ELMO1: variants seen among roughly 807,000 people sequenced by gnomAD.
ELMO1 encodes the protein engulfment and cell motility 1, also known as engulfment and cell motility protein 1.
ELMO1 carries 26 observed loss-of-function variants against 98.9 expected under a neutral mutation model. The ratio of observed to expected loss-of-function variants is 0.26; its 90% CI spans 0.19 to 0.36. ELMO1 has a LOEUF of 0.36. Among genes scored for constraint, ELMO1 ranks in the 10% least tolerant of loss-of-function variants. The pLI is 1.00. For missense variants in ELMO1, 627 were observed against 935.2 expected, an observed-to-expected ratio of 0.67 and a Z score of 4.30; for synonymous variants, 346 against 346.0, an observed-to-expected ratio of 1.00 and a Z score of 0.00.
intron 2 of ELMO1, among the ~76,000 whole-genome samples, chr7:37,322,861 T>C (rs566780599): frequency 6.6e-6 from 1 of 152,250 alleles, no homozygotes; most frequent in African/African-American, 2.4e-5. Flanking sequence ...TTTTAACTGC[T>C]TCAGTATGTT....
intron 16 of ELMO1, among the ~76,000 whole-genome samples, chr7:36,989,931 T>C (rs1454613909): frequency 6.6e-6 from 1 of 152,154 alleles, no homozygotes; most frequent in African/African-American, 2.4e-5. Flanking sequence ...TAAGACAAAA[T>C]TGCAAGGTAA....
chr7:37,154,516 C>T (rs991793112), intron 13 of ELMO1, among the ~76,000 whole-genome samples: 7 of 152,150 alleles, frequency 4.6e-5, no homozygotes, highest in African/African-American at 7.2e-5. Flanking sequence ...CTGCGTGAAG[C>T]ATACACAAGC....
intron 1 of ELMO1, among the ~76,000 whole-genome samples, chr7:37,368,526 C>T (rs1482771794): frequency 1.3e-5 from 2 of 152,152 alleles, no homozygotes; most frequent in Non-Finnish European, 2.9e-5. Context: ...TGTCTCTGAT[C>T]TTCTTTCCCA....
chr7:36,963,245 C>T (rs1280379996), intron 16 of ELMO1, among the ~76,000 whole-genome samples: 1 of 151,938 alleles, frequency 6.6e-6, no homozygotes, highest in Non-Finnish European at 1.5e-5. Context: ...GGGCGTGGTG[C>T]CGTGCGCCTG....
intron 18 of ELMO1, among the ~76,000 whole-genome samples, chr7:36,882,638 A>T (rs1804571844): frequency 6.6e-6 from 1 of 152,230 alleles, no homozygotes; most frequent in Non-Finnish European, 1.5e-5. Context: ...TGGATGACAC[A>T]CCTGGCCCTG....
intron 15 of ELMO1, among the ~76,000 whole-genome samples, chr7:37,086,948 T>C (rs1783822315): frequency 6.6e-6 from 1 of 152,160 alleles, no homozygotes. Context: ...CCTTTGCATA[T>C]TGTTTTCTAA....
intron 13 of ELMO1, among the ~76,000 whole-genome samples, chr7:37,195,681 G>A (rs1204077217): frequency 3.3e-5 from 5 of 152,190 alleles, no homozygotes; most frequent in Admixed American, 1.3e-4. Flanking sequence ...AAAAGCTGGC[G>A]TGGCTCTTCT....
At chr7:37,133,823 G>C (rs573719079) in intron 13 of ELMO1, among the ~76,000 whole-genome samples, 83 of 152,268 alleles carry the variant, frequency 5.5e-4, no homozygotes, top group African/African-American at 2.0e-3. Flanking sequence ...GGAAGTCTGA[G>C]AACCTTCCTG....
intron 13 of ELMO1, among the ~76,000 whole-genome samples, chr7:37,165,735 T>C (rs1002851734): frequency 8.5e-5 from 13 of 152,190 alleles, no homozygotes; most frequent in African/African-American, 2.9e-4. Context: ...TGGATTCGGT[T>C]TACCAGTATT....
intron 5 of ELMO1, among the ~76,000 whole-genome samples, chr7:37,263,300 C>A (rs936673744): frequency 1.3e-5 from 2 of 151,518 alleles, no homozygotes; most frequent in Admixed American, 1.3e-4. Context: ...TCAGACAAGT[C>A]TTTCCAGTTA....
At chr7:36,930,961 C>T (rs1785988827) in intron 16 of ELMO1, among the ~76,000 whole-genome samples, 1 of 152,210 alleles carries the variant, frequency 6.6e-6, no homozygotes, top group Admixed American at 6.5e-5. Flanking sequence ...CATCAGTCCT[C>T]AAAAGCGGTC....
intron 16 of ELMO1, among the ~76,000 whole-genome samples, chr7:36,942,168 CCT>C (rs1482360445): frequency 6.6e-6 from 1 of 152,178 alleles, no homozygotes; most frequent in Non-Finnish European, 1.5e-5. Context: ...AAAGCACTCC[CCT>C]GTCAGTCCAG....
At chr7:36,896,934 G>C (rs1050044730) in intron 16 of ELMO1, among the ~76,000 whole-genome samples, 13 of 152,152 alleles carry the variant, frequency 8.5e-5, no homozygotes, top group African/African-American at 3.1e-4. Flanking sequence ...GACATGGTGA[G>C]AGACAAAGAT....
intron 1 of ELMO1, among the ~76,000 whole-genome samples, chr7:37,377,204 T>G (rs1802386547): frequency 6.6e-6 from 1 of 152,186 alleles, no homozygotes; most frequent in African/African-American, 2.4e-5. Context: ...GAAGTACAGT[T>G]TCTACCGAAT....
rs529843914 is a variant in ELMO1, at chr7:37,108,717, A to G, written c.1192-11990T>C. On this transcript the variant is annotated intron_variant, in intron 14 of 21. Coordinates refer to ENST00000310758, the MANE Select transcript of ELMO1 (RefSeq NM_014800.11). ...TTGGGAACCACTTCCTCACTTGTGA[A>G]TCTCTGACATTGCAGCAGAGTTGCA... Among the ~76,000 whole-genome samples the G allele has an allele frequency of 2.8e-3, 433 of 152,294 alleles. 2 individuals are homozygous for G. Among genetic ancestry groups the G allele is most frequent in the African/African-American group, 9.7e-3 (405 of 41,572 alleles).
chr7:37,241,426 G>C (rs1004153095), intron 7 of ELMO1, among the ~76,000 whole-genome samples: 1 of 151,948 alleles, frequency 6.6e-6, no homozygotes, highest in Admixed American at 6.6e-5. Flanking sequence ...AAACAGCATA[G>C]AGCTGGGCCA....
At chr7:37,062,092 C>A (rs948518240) in intron 15 of ELMO1, among the ~76,000 whole-genome samples, 3 of 152,180 alleles carry the variant, frequency 2.0e-5, no homozygotes, top group African/African-American at 7.2e-5. Flanking sequence ...ATATATTCAC[C>A]ACCATGTATA....
chr7:36,926,921 C>G (rs540220734), intron 16 of ELMO1, among the ~76,000 whole-genome samples: 9 of 151,918 alleles, frequency 5.9e-5, no homozygotes, highest in South Asian at 2.1e-4. Context: ...TTAAAATCCC[C>G]GTAACTTATT....
At chr7:37,175,795 C>T (rs754629541) in intron 13 of ELMO1, among the ~76,000 whole-genome samples, 38 of 152,136 alleles carry the variant, frequency 2.5e-4, no homozygotes, top group Non-Finnish European at 2.5e-4. Flanking sequence ...TGCAGTGAGC[C>T]GAGATTGTAC....
Sources: allele counts gnomAD v4.1 joint callset (sites outside exome capture counted in the v4.1 genomes callset), GRCh38; gene constraint gnomAD v4.1.1; transcripts MANE v1.5; gene names NCBI Gene and HGNC (gene_info 2026-07-23, HGNC 2026-07-21).